CSMD1: variants seen among roughly 807,000 people sequenced by gnomAD.
CSMD1 encodes CUB and sushi domain-containing protein 1.
CSMD1 carries 213 observed loss-of-function variants against 417.5 expected under a neutral mutation model. The ratio of observed to expected loss-of-function variants is 0.51; its 90% CI spans 0.46 to 0.57. CSMD1 has a LOEUF of 0.57. Ranked by LOEUF, CSMD1 falls within the 20% of genes least tolerant of loss-of-function variation. CSMD1 has a pLI of 0.00. For missense variants in CSMD1, 6,923 were observed against 4,529.7 expected (o/e 1.53, Z -15.17); for synonymous variants, 2,862 against 1,736.8 (o/e 1.65, Z -16.11).
chr8:3,383,846 T>C (rs1810794627), intron 18 of CSMD1, among the ~76,000 whole-genome samples: 1 of 152,076 alleles, frequency 6.6e-6, no homozygotes, highest in South Asian at 2.1e-4. Flanking sequence ...AACAGTAGAA[T>C]GAAATAAAAA....
intron 12 of CSMD1, among the ~76,000 whole-genome samples, chr8:3,415,500 C>T (rs1215619528): frequency 8.5e-5 from 13 of 152,270 alleles, no homozygotes; most frequent in South Asian, 6.2e-4. Context: ...TGGGATTATA[C>T]GCATGCATCA....
At chr8:3,474,766 T>A (rs556660725) in intron 11 of CSMD1, among the ~76,000 whole-genome samples, 38 of 152,286 alleles carry the variant, frequency 2.5e-4, no homozygotes, top group Non-Finnish European at 4.1e-4. Flanking sequence ...CATCAAAACA[T>A]ATAGTTACAC....
chr8:3,861,220 G>T (rs73491994), intron 5 of CSMD1, among the ~76,000 whole-genome samples: 4,070 of 152,246 alleles, frequency 0.027, 170 homozygotes, highest in African/African-American at 0.092. Flanking sequence ...TAATGTGATT[G>T]CAGTCGCCTG....
intron 49 of CSMD1, among the ~76,000 whole-genome samples, chr8:3,079,751 G>A (rs1433660035): frequency 6.6e-6 from 1 of 152,100 alleles, no homozygotes; most frequent in Non-Finnish European, 1.5e-5. Flanking sequence ...TAATGGAAAT[G>A]GCTTCGATTT....
chr8:4,305,669 G>C (rs1340563505), intron 3 of CSMD1, among the ~76,000 whole-genome samples: 1 of 152,174 alleles, frequency 6.6e-6, no homozygotes, highest in Non-Finnish European at 1.5e-5. Flanking sequence ...AACCAGCAGA[G>C]AGTAAGTGCT....
chr8:4,958,890 T>G (rs987571324), intron 1 of CSMD1, among the ~76,000 whole-genome samples: 6 of 152,138 alleles, frequency 3.9e-5, no homozygotes, highest in Admixed American at 6.6e-5. Flanking sequence ...TCTCATTCCT[T>G]CAACAAAGAG....
intron 4 of CSMD1, among the ~76,000 whole-genome samples, chr8:4,013,951 T>A (rs765008937): frequency 2.6e-5 from 4 of 152,200 alleles, no homozygotes; most frequent in Non-Finnish European, 5.9e-5. Context: ...GATAAGTGTA[T>A]GTAATACTTT....
chr8:4,429,148 GATT>G (rs1366784988), intron 2 of CSMD1, among the ~76,000 whole-genome samples: 1 of 150,538 alleles, frequency 6.6e-6, no homozygotes, highest in East Asian at 1.9e-4. Context: ...TATATAATTG[GATT>G]ATTATATATA....
chr8:3,220,313 C>A (rs540857090), intron 28 of CSMD1, among the ~76,000 whole-genome samples: 15 of 152,168 alleles, frequency 9.9e-5, no homozygotes, highest in African/African-American at 3.6e-4. Flanking sequence ...CTCCATTTTT[C>A]TGTTTCTCTC....
Position 3,409,455 on chromosome 8 carries a change from T to C in CSMD1, c.1712A>G (p.Asn571Ser), listed in dbSNP as rs771111884. Residue 571 changes from asparagine (N) to serine (S), a missense_variant, in exon 13 of 70, where the codon AAT (asparagine) becomes AGT (serine). Transcript: ENST00000635120. ...GCTGGGCTTGTTGCCAGACCACTGA[T>C]TGTTCTGCTGACAGGTGATAACTCT... ...GERVITCQQN[N>S]QWSGNKPSCV... 16 of 1,611,442 alleles carry C rather than the reference T, an allele frequency of 9.9e-6. No individual in the cohort carries two copies. The highest frequency in any genetic ancestry group is 8.9e-5 in the East Asian group (4 of 44,770).
chr8:3,464,642 T>C lies in CSMD1; in HGVS notation c.1561+4070A>G, dbSNP rs371134602. Among the ~76,000 whole-genome samples, 123 of 150,466 alleles carry C rather than the reference T, an allele frequency of 8.2e-4. No individual in the cohort carries two copies. In the South Asian group the frequency reaches 0.016, roughly 19 times the overall value. Reference sequence around the variant, plus strand: ...CAATTATATATAGGTAGAATCTATATATATAGCAAATTTATATATAAATTG... The same window carrying C: ...CAATTATATATAGGTAGAATCTATACATATAGCAAATTTATATATAAATTG... On this transcript the variant is annotated intron_variant, in intron 12 of 69. Transcript: ENST00000635120.
At chr8:4,311,039 A>C (rs1461367923) in intron 3 of CSMD1, among the ~76,000 whole-genome samples, 2 of 152,216 alleles carry the variant, frequency 1.3e-5, no homozygotes, top group East Asian at 3.9e-4. Flanking sequence ...GAACACTTAT[A>C]CACCACTGGT....
At chr8:3,669,249 C>G (rs1312676893) in intron 7 of CSMD1, among the ~76,000 whole-genome samples, 1 of 152,202 alleles carries the variant, frequency 6.6e-6, no homozygotes, top group Non-Finnish European at 1.5e-5. Context: ...CTGCATCAAT[C>G]TGAGTGAAAA....
intron 3 of CSMD1, among the ~76,000 whole-genome samples, chr8:4,168,676 A>T (rs529067315): frequency 2.0e-4 from 30 of 152,236 alleles, no homozygotes; most frequent in Admixed American, 6.5e-4. Flanking sequence ...CACATTTTTT[A>T]AAAAATGCTG....
At chr8:4,319,656 A>G (rs1403271321) in intron 3 of CSMD1, among the ~76,000 whole-genome samples, 4 of 152,142 alleles carry the variant, frequency 2.6e-5, no homozygotes, top group African/African-American at 7.2e-5. Context: ...CTGCCTGGAA[A>G]GAGAGGCCAG....
In CSMD1 at chr8:4,731,983, GAGA is replaced by G. The variant is rs1400464279; in HGVS notation, c.86-94428_86-94426del. ...GTATTAACAAGAATGCCAGCGTTATGAGAAGGAGGAGAGAAAAAACGAGAAGAC... is the reference window on the plus strand; with the variant it reads ...GTATTAACAAGAATGCCAGCGTTATGAGGAGGAGAGAAAAAACGAGAAGAC... On this transcript the variant is annotated intron_variant, in intron 1 of 69. Transcript: ENST00000635120. Among the ~76,000 whole-genome samples the G allele has an allele frequency of 5.9e-5, 9 of 152,262 alleles. No homozygotes were observed. The East Asian group carries it at 1.5e-3, about 26-fold the overall frequency.
At chr8:3,874,049 C>G (rs116298545) in intron 5 of CSMD1, among the ~76,000 whole-genome samples, 2 of 152,338 alleles carry the variant, frequency 1.3e-5, no homozygotes, top group East Asian at 3.9e-4. Flanking sequence ...AAGCTTTCCA[C>G]TTCCCTCCCC....
At chr8:4,121,287 G>A (rs185463333) in intron 3 of CSMD1, among the ~76,000 whole-genome samples, 251 of 151,944 alleles carry the variant, frequency 1.7e-3, no homozygotes, top group African/African-American at 5.8e-3. Context: ...GCTCGTTTTT[G>A]TATTTTTAGT....
At chr8:3,982,582 G>C (rs1444125068) in intron 5 of CSMD1, among the ~76,000 whole-genome samples, 2 of 151,334 alleles carry the variant, frequency 1.3e-5, no homozygotes, top group East Asian at 2.0e-4. Context: ...TAGTCATTTA[G>C]AATTTCACTA....
Sources: allele counts gnomAD v4.1 joint callset (sites outside exome capture counted in the v4.1 genomes callset), GRCh38; gene constraint gnomAD v4.1.1; transcripts MANE v1.5; gene names NCBI Gene and HGNC (gene_info 2026-07-23, HGNC 2026-07-21).